NUFIP1: variants seen among roughly 807,000 people sequenced by gnomAD.
NUFIP1 encodes the protein nuclear FMR1 interacting protein 1.
In NUFIP1, 38 loss-of-function variants were observed where a neutral mutation model predicts 56.2. That is an observed-to-expected ratio of 0.68 (90% CI 0.52 to 0.89). NUFIP1 has a LOEUF of 0.89. Ranked by LOEUF, NUFIP1 falls within the 40% of genes least tolerant of loss-of-function variation. The probability of loss-of-function intolerance (pLI) is 0.00; values close to 1 mark genes in which losing one functional copy is unlikely to be tolerated. For missense variants in NUFIP1, 567 were observed against 605.8 expected (o/e 0.94, Z 0.67); for synonymous variants, 215 against 212.4 (o/e 1.01, Z -0.10).
At position 44,989,161 on chromosome 13, in the gene NUFIP1, G is replaced by A. The variant is rs200656394; in HGVS notation, c.276C>T (p.Pro92=). 3.7e-6 allele frequency: 6 copies of A among 1,613,534 alleles called. No individual in the cohort carries two copies. Among genetic ancestry groups the A allele is most frequent in the Non-Finnish European group, 5.1e-6 (6 of 1,179,710 alleles). The change falls in exon 1 of 10, where the codon CCC becomes CCT. Residue 92 remains proline (P), a synonymous_variant. Transcript: ENST00000379161. ...AATCAAGGGGAGACTGGGCGTCGAA[G>A]GGGGGTTGCGCCCCGGGAAGAATCT... ...DAQILPGAQP[P]FDAQSPLDSQ...
chr13:44,960,473 G>C (rs947230515), intron 6 of NUFIP1, among the ~76,000 whole-genome samples: 1 of 151,906 alleles, frequency 6.6e-6, no homozygotes, highest in African/African-American at 2.4e-5. Flanking sequence ...CACCATGTTG[G>C]CCAGGATGGT....
intron 8 of NUFIP1, among the ~76,000 whole-genome samples, chr13:44,949,365 C>T: frequency 6.6e-6 from 1 of 151,218 alleles, no homozygotes; most frequent in East Asian, 1.9e-4. Flanking sequence ...CTACGCCCGG[C>T]TAATTTTTTG....
chr13:44,955,142 T>G (rs969666839), intron 7 of NUFIP1, among the ~76,000 whole-genome samples: 1 of 152,098 alleles, frequency 6.6e-6, no homozygotes, highest in Non-Finnish European at 1.5e-5. Context: ...ACTAATGAGA[T>G]ACCAAAATAA....
At chr13:44,960,428 C>T (rs1157980172) in intron 6 of NUFIP1, among the ~76,000 whole-genome samples, 1 of 151,248 alleles carries the variant, frequency 6.6e-6, no homozygotes, top group Non-Finnish European at 1.5e-5. Flanking sequence ...ACCATCAGCC[C>T]GGCTAATTTT....
chr13:44,970,669 G>T (rs560310759), intron 5 of NUFIP1, among the ~76,000 whole-genome samples: 36 of 151,938 alleles, frequency 2.4e-4, no homozygotes, highest in Admixed American at 9.2e-4. Context: ...TTGTAACAGG[G>T]TTTTTTTGTT....
chr13:44,970,670 T>A (rs1871770745), intron 5 of NUFIP1, among the ~76,000 whole-genome samples: 1 of 151,810 alleles, frequency 6.6e-6, no homozygotes, highest in African/African-American at 2.4e-5. Context: ...TGTAACAGGG[T>A]TTTTTTGTTT....
intron 1 of NUFIP1, among the ~76,000 whole-genome samples, chr13:44,984,318 G>A (rs945399433): frequency 1.3e-5 from 2 of 152,140 alleles, no homozygotes; most frequent in East Asian, 1.9e-4. Context: ...AGCCAAGTCC[G>A]TATTTCCAGC....
Position 44,980,829 on chromosome 13 carries a change from A to G in NUFIP1, c.496-9T>C, listed in dbSNP as rs1450016732. 6.4e-7 allele frequency: 1 copy of G among 1,558,270 alleles called. No individual in the cohort carries two copies. The highest frequency in any genetic ancestry group is 2.0e-5 in the Admixed American group (1 of 50,918). On this transcript the variant is annotated splice_polypyrimidine_tract_variant and intron_variant, in intron 2 of 9. Transcript: ENST00000379161. ...ACTGGTTCCTTTCTTTTCTGCAAAC[A>G]AAAACAGAGAGGAATTAGGCTTTTG...
intron 7 of NUFIP1, among the ~76,000 whole-genome samples, chr13:44,957,264 C>T (rs956483588): frequency 1.3e-5 from 2 of 152,024 alleles, no homozygotes; most frequent in African/African-American, 4.8e-5. Flanking sequence ...CAGGCTGGAG[C>T]GCAATGGTGT....
intron 6 of NUFIP1, among the ~76,000 whole-genome samples, chr13:44,960,821 G>C (rs1194978009): frequency 1.3e-5 from 2 of 152,078 alleles, no homozygotes; most frequent in Non-Finnish European, 2.9e-5. Flanking sequence ...TCAGCACTTT[G>C]GGAGGCCAAG....
At chr13:44,984,745 C>A (rs1425415966) in intron 1 of NUFIP1, among the ~76,000 whole-genome samples, 1 of 151,952 alleles carries the variant, frequency 6.6e-6, no homozygotes, top group African/African-American at 2.4e-5. Flanking sequence ...TTTTAGGGTA[C>A]GTGTGCACAA....
intron 5 of NUFIP1, among the ~76,000 whole-genome samples, chr13:44,978,722 G>A (rs1872076549): frequency 6.6e-6 from 1 of 151,990 alleles, no homozygotes. Flanking sequence ...AGCCTGGGAT[G>A]AAAACAAGAA....
chr13:44,974,338 G>A (rs1031378865), intron 5 of NUFIP1, among the ~76,000 whole-genome samples: 4 of 152,266 alleles, frequency 2.6e-5, no homozygotes, highest in African/African-American at 4.8e-5. Context: ...AAGAGCAGCC[G>A]AAGTGAAATA....
intron 8 of NUFIP1, among the ~76,000 whole-genome samples, chr13:44,944,935 A>G (rs1259281745): frequency 2.0e-5 from 3 of 152,084 alleles, no homozygotes; most frequent in East Asian, 1.9e-4. Flanking sequence ...ATGGCTTTCA[A>G]TGCTTAAATT....
At chr13:44,986,329 T>C (rs991926448) in intron 1 of NUFIP1, among the ~76,000 whole-genome samples, 4 of 152,174 alleles carry the variant, frequency 2.6e-5, no homozygotes, top group African/African-American at 9.7e-5. Flanking sequence ...ATAGACGATT[T>C]TGAGGAATTC....
chr13:44,973,057 T>G (rs1871858689), intron 5 of NUFIP1, among the ~76,000 whole-genome samples: 1 of 152,234 alleles, frequency 6.6e-6, no homozygotes, highest in South Asian at 2.1e-4. Context: ...TATCAGGAAC[T>G]TTAAATAAAT....
intron 5 of NUFIP1, among the ~76,000 whole-genome samples, chr13:44,966,439 C>T (rs977413967): frequency 6.6e-6 from 1 of 151,998 alleles, no homozygotes; most frequent in Admixed American, 6.5e-5. Context: ...CTCAGCCTCC[C>T]AAGTAGCTGG....
At chr13:44,975,315 A>G (rs1871933150) in intron 5 of NUFIP1, among the ~76,000 whole-genome samples, 1 of 152,130 alleles carries the variant, frequency 6.6e-6, no homozygotes, top group African/African-American at 2.4e-5. Context: ...ATCTTCAAAT[A>G]GATGCCTCAG....
intron 6 of NUFIP1, among the ~76,000 whole-genome samples, chr13:44,963,032 G>T (rs1279106319): frequency 6.6e-6 from 1 of 151,918 alleles, no homozygotes; most frequent in East Asian, 1.9e-4. Context: ...CTGTCATTAA[G>T]TGACACATTG....
Sources: gnomAD v4.1 joint callset for allele counts (sites outside exome capture counted in the v4.1 genomes callset) on GRCh38, gnomAD v4.1.1 for gene constraint, MANE v1.5 for transcripts, NCBI Gene and HGNC (gene_info 2026-07-23, HGNC 2026-07-21) for gene names.